The following EPB41L3 variants were observed in gnomAD, a reference collection of about 807,000 sequenced individuals.
The protein encoded by EPB41L3 is erythrocyte membrane protein band 4.1 like 3.
In EPB41L3, 57 loss-of-function variants were observed where a neutral mutation model predicts 127.1. The observed-to-expected ratio is 0.45, with a 90% CI of 0.36 to 0.56. The LOEUF (loss-of-function observed/expected upper bound fraction) is 0.56. EPB41L3 is among the 20% of genes least tolerant of loss of function. EPB41L3 has a pLI of 0.00. For synonymous variants in EPB41L3, 572 were observed against 549.5 expected (o/e 1.04, Z -0.57); for missense variants, 1,273 against 1,372.2 (o/e 0.93, Z 1.14).
intron 1 of EPB41L3, among the ~76,000 whole-genome samples, chr18:5,495,567 C>T (rs1311628221): frequency 1.3e-5 from 2 of 148,592 alleles, no homozygotes; most frequent in Non-Finnish European, 3.0e-5. Context: ...TCTGTGGGGA[C>T]AGAAAGGATT....
chr18:5,531,731 C>CAAA lies in EPB41L3; in HGVS notation c.-12+12179_-12+12181dup, dbSNP rs57625472. On this transcript the variant is annotated intron_variant, in intron 1 of 22. Transcript: ENST00000341928. ...TATACAACAGAACAAGACCCTGTCT[C>CAAA]AAAAAAAAAAAAAAAAAAAAAGGAA... is the stretch of plus-strand genomic sequence containing the variant. Among the ~76,000 whole-genome samples, 254 of 67,790 alleles carry CAAA rather than the reference C, an allele frequency of 3.7e-3. 1 individual carries two copies. The highest frequency in any genetic ancestry group is 7.0e-3 in the African/African-American group (144 of 20,710). 44.5% of individuals were successfully genotyped at this position (67,790 alleles called of 152,430 possible). A position where few individuals can be genotyped will look rare whatever the true frequency, so the allele number is the denominator to read the frequency against.
At chr18:5,519,794 G>A (rs777332341) in intron 1 of EPB41L3, among the ~76,000 whole-genome samples, 4 of 152,098 alleles carry the variant, frequency 2.6e-5, no homozygotes, top group Non-Finnish European at 4.4e-5. Context: ...CTACATTTGC[G>A]GATTTAGCTG....
At chr18:5,400,983 A>G in intron 16 of EPB41L3, 6 of 1,532,892 alleles carry the variant, frequency 3.9e-6, no homozygotes, top group Non-Finnish European at 5.2e-6. Flanking sequence ...GACTCAAGGA[A>G]TGGAGCGCTT....
At chr18:5,451,832 C>T (rs1411113338) in intron 3 of EPB41L3, among the ~76,000 whole-genome samples, 1 of 152,126 alleles carries the variant, frequency 6.6e-6, no homozygotes, top group Non-Finnish European at 1.5e-5. Context: ...GAAGTTGGGC[C>T]AAGGCAACTG....
intron 1 of EPB41L3, among the ~76,000 whole-genome samples, chr18:5,617,591 T>C (rs1254509877): frequency 6.6e-6 from 1 of 152,190 alleles, no homozygotes; most frequent in Non-Finnish European, 1.5e-5. Context: ...GTGCTGGGAT[T>C]ACAGGCGTGA....
At chr18:5,423,600 T>C (rs374893396) in intron 10 of EPB41L3, 47 bp from the exon 11 acceptor site, 105 of 1,514,060 alleles carry the variant, frequency 6.9e-5, no homozygotes, top group Middle Eastern at 1.8e-4. Flanking sequence ...AAGTCCAATA[T>C]TGAGAGTGCT....
At chr18:5,510,759 C>T (rs978878126) in intron 1 of EPB41L3, among the ~76,000 whole-genome samples, 3 of 152,108 alleles carry the variant, frequency 2.0e-5, no homozygotes, top group East Asian at 1.9e-4. Flanking sequence ...GCACATAGTT[C>T]GCATATTTCT....
chr18:5,403,112 T>G (rs561919751), intron 16 of EPB41L3, among the ~76,000 whole-genome samples: 8 of 152,306 alleles, frequency 5.3e-5, no homozygotes, highest in African/African-American at 1.7e-4. Flanking sequence ...GGACAAGGCT[T>G]AGATGCATCA....
intron 1 of EPB41L3, among the ~76,000 whole-genome samples, chr18:5,496,858 A>C (rs2091231669): frequency 6.8e-6 from 1 of 146,484 alleles, no homozygotes; most frequent in Non-Finnish European, 1.5e-5. Context: ...GGGATACATC[A>C]GATAAAGATG....
In EPB41L3 at chr18:5,492,755, G is replaced by T. The variant is rs139137551; in HGVS notation, c.-11-3561C>A. Among the ~76,000 whole-genome samples, 557 of 152,234 alleles carry T rather than the reference G, an allele frequency of 3.7e-3. 3 individuals are homozygous for T. The highest frequency in any genetic ancestry group is 0.013 in the African/African-American group (533 of 41,538). ...AATTGTGTTTTGCTCAGGCTTTAAA[G>T]GTTTGGATTCCTGGAAACTCCAAAT... On this transcript the variant is annotated intron_variant, in intron 1 of 22. Coordinates refer to ENST00000341928, the MANE Select transcript of EPB41L3 (RefSeq NM_012307.5).
intron 1 of EPB41L3, among the ~76,000 whole-genome samples, chr18:5,523,574 G>A (rs1048592146): frequency 1.2e-4 from 19 of 152,056 alleles, no homozygotes; most frequent in Admixed American, 2.6e-4. Context: ...CAAAGCGGGC[G>A]GATCACCTGA....
chr18:5,572,100 A>G (rs2094288237), intron 3 of EPB41L3, among the ~76,000 whole-genome samples: 1 of 152,134 alleles, frequency 6.6e-6, no homozygotes, highest in African/African-American at 2.4e-5. Context: ...GGAGTCTCCC[A>G]CTCTACATGT....
intron 2 of EPB41L3, among the ~76,000 whole-genome samples, chr18:5,487,944 C>T (rs1449388987): frequency 6.6e-6 from 1 of 152,116 alleles, no homozygotes; most frequent in Non-Finnish European, 1.5e-5. Flanking sequence ...TAGTTTGAAA[C>T]ACTTCTGACA....
At chr18:5,538,004 T>C (rs1286992281) in intron 1 of EPB41L3, among the ~76,000 whole-genome samples, 1 of 152,078 alleles carries the variant, frequency 6.6e-6, no homozygotes. Context: ...TTTCATAAGA[T>C]TCATGACACT....
rs1188239142 is a variant in EPB41L3 at position 5,543,042 on chromosome 18, C to T, written c.-12+871G>A. 2.0e-5 allele frequency among the ~76,000 whole-genome samples: 3 copies of T among 152,028 alleles called. No individual in the cohort carries two copies. The highest frequency in any genetic ancestry group is 4.4e-5 in the Non-Finnish European group (3 of 67,964). On this transcript the variant is annotated intron_variant, in intron 1 of 22. Coordinates refer to ENST00000341928, the MANE Select transcript of EPB41L3 (RefSeq NM_012307.5). The surrounding 1 kb of genome is among the most constrained non-coding windows in gnomAD (Gnocchi z 5.2). ...CGCAGACACCTCCCGAGGAGAATCG[C>T]GGCCCCGAGGGCGCCAGGTGAGTCG...
At chr18:5,595,959 C>T (rs1539811) in intron 3 of EPB41L3, among the ~76,000 whole-genome samples, 65,815 of 151,968 alleles carry the variant, frequency 0.43, 14,532 homozygotes, top group Non-Finnish European at 0.47. Context: ...TCTTTATAAC[C>T]GTTTTTAAGT....
At chr18:5,519,019 T>C (rs1423920326) in intron 1 of EPB41L3, among the ~76,000 whole-genome samples, 1 of 152,176 alleles carries the variant, frequency 6.6e-6, no homozygotes, top group Non-Finnish European at 1.5e-5. Context: ...TCATCTCAGA[T>C]CGTGTGTCAA....
At chr18:5,409,915 T>C (rs1022233956) in intron 14 of EPB41L3, among the ~76,000 whole-genome samples, 2 of 152,148 alleles carry the variant, frequency 1.3e-5, no homozygotes, top group Admixed American at 6.5e-5. Flanking sequence ...TTAATGTGTT[T>C]CTTTAACCCT....
At chr18:5,585,931 T>G (rs569757751) in intron 3 of EPB41L3, among the ~76,000 whole-genome samples, 8 of 152,340 alleles carry the variant, frequency 5.3e-5, no homozygotes, top group African/African-American at 1.9e-4. Context: ...CAGCTCTTGT[T>G]AAATGACCTT....
Sources: allele counts gnomAD v4.1 joint callset (sites outside exome capture counted in the v4.1 genomes callset), GRCh38; gene constraint gnomAD v4.1.1; non-coding constraint Gnocchi (gnomAD v3.1); transcripts MANE v1.5; gene names NCBI Gene and HGNC (gene_info 2026-07-23, HGNC 2026-07-21).